Variants in SOS1 observed in about 807,000 individuals in gnomAD.
The protein encoded by SOS1 is SOS Ras/Rac guanine nucleotide exchange factor 1, also known as son of sevenless homolog 1.
Under a neutral mutation model 157.6 loss-of-function variants are expected in SOS1, and 25 were observed. The observed-to-expected ratio is 0.16, with a 90% CI of 0.12 to 0.22. The LOEUF is 0.22. SOS1 is among the 10% of genes least tolerant of loss of function. SOS1 has a pLI of 1.00. For synonymous variants in SOS1, 528 were observed against 534.0 expected (o/e 0.99, Z 0.16); for missense variants, 1,237 against 1,599.1 (o/e 0.77, Z 3.86).
rs1344477764 is a variant in SOS1 at position 38,988,739 on chromosome 2, TGTTA to T, written c.3391+527_3391+530del. 5.3e-5 allele frequency among the ~76,000 whole-genome samples: 8 copies of T among 152,226 alleles called. No homozygotes were observed. The South Asian group carries it at 1.0e-3, about 20-fold the overall frequency. On this transcript the variant is annotated intron_variant, in intron 21 of 22. Transcript: ENST00000402219. ...ATTAAAATAATGGAATTTAGTGACT[TGTTA>T]GTTTACCTTACAATTAAAATGGAAC...
chr2:38,989,330 A>G lies in SOS1; in HGVS notation c.3347-16T>C. On this transcript the variant is annotated splice_polypyrimidine_tract_variant and intron_variant, in intron 20 of 22. Transcript: ENST00000402219. The stretch of plus-strand genomic sequence containing the variant: ...GTATCATTGCCTGTGAAAGGAAACA[A>G]GAAAAAGTAGATTTTTTTCTTTCAT... 6.3e-7 allele frequency: 1 copy of G among 1,586,230 alleles called. No individual in the cohort carries two copies. Among genetic ancestry groups the G allele is most frequent in the Non-Finnish European group, 8.7e-7 (1 of 1,155,094 alleles).
chr2:38,997,165 T>G, intron 18 of SOS1, 88 bp downstream of exon 18: 1 of 1,174,606 alleles, frequency 8.5e-7, no homozygotes, highest in African/African-American at 1.5e-5. Context: ...TTTATTTTAC[T>G]TTTTCTCCCC....
chr2:39,022,743 T>C lies in SOS1; in HGVS notation c.1685A>G (p.Glu562Gly). 2.5e-6 allele frequency: 4 copies of C among 1,613,826 alleles called. No individual in the cohort carries two copies. The African/African-American group carries it at 4.0e-5, about 16-fold the overall frequency. Residue 562 changes from glutamate (E) to glycine (G), a missense_variant, in exon 10 of 23, where the codon GAG (glutamate) becomes GGG (glycine). By Grantham distance (98) the Glu-to-Gly change is moderately conservative (BLOSUM62 -2). Coordinates refer to ENST00000402219, the MANE Select transcript of SOS1 (RefSeq NM_005633.4). ...RMLDVTMLQE[E>G]KEEQMRLPSA... ...AGGCAGCCTCATCTGCTCCTCTTTC[T>C]CTTCCTGTAGCATTGTTACATCAAG... is the stretch of plus-strand genomic sequence containing the variant.
intron 1 of SOS1, among the ~76,000 whole-genome samples, chr2:39,116,253 C>T (rs990430184): frequency 6.6e-6 from 1 of 152,184 alleles, no homozygotes; most frequent in Non-Finnish European, 1.5e-5. Flanking sequence ...CTAAGAGCTT[C>T]TCCTACATTC....
At chr2:39,044,085 G>A (rs572310922) in intron 6 of SOS1, among the ~76,000 whole-genome samples, 6 of 152,284 alleles carry the variant, frequency 3.9e-5, no homozygotes, top group South Asian at 2.1e-4. Context: ...GGCCTGGTAC[G>A]GTGGCTCACG....
upstream of SOS1, among the ~76,000 whole-genome samples, chr2:39,122,467 C>CACACAT (rs1673926810): frequency 6.6e-6 from 1 of 151,020 alleles, no homozygotes. Flanking sequence ...CACACACACA[C>CACACAT]ACACACATAC....
upstream of SOS1, among the ~76,000 whole-genome samples, chr2:39,123,367 T>C (rs912740660): frequency 1.3e-5 from 2 of 151,998 alleles, no homozygotes; most frequent in Non-Finnish European, 2.9e-5. Context: ...TTTTTTTTTT[T>C]TTCTTTTTCT....
intron 1 of SOS1, among the ~76,000 whole-genome samples, chr2:39,113,806 C>T (rs1211926599): frequency 1.3e-5 from 2 of 152,216 alleles, no homozygotes; most frequent in Non-Finnish European, 2.9e-5. Context: ...TTTTTGTCAT[C>T]TCCAAGCAAG....
At chr2:39,105,480 G>A (rs1490289094) in intron 1 of SOS1, among the ~76,000 whole-genome samples, 1 of 151,912 alleles carries the variant, frequency 6.6e-6, no homozygotes, top group African/African-American at 2.4e-5. Flanking sequence ...AACTCATATG[G>A]ACAGATTACA....
chr2:39,095,974 G>A (rs1672752863), intron 1 of SOS1, among the ~76,000 whole-genome samples: 1 of 152,204 alleles, frequency 6.6e-6, no homozygotes, highest in South Asian at 2.1e-4. Flanking sequence ...GAAGCTAGAT[G>A]TTTATGTGGA....
At chr2:39,097,239 T>C (rs771861766) in intron 1 of SOS1, among the ~76,000 whole-genome samples, 8 of 152,208 alleles carry the variant, frequency 5.3e-5, no homozygotes, top group Non-Finnish European at 1.0e-4. Flanking sequence ...TATATACAAA[T>C]ATATGCAAAT....
At chr2:39,090,139 C>CAA (rs10598316) in intron 1 of SOS1, among the ~76,000 whole-genome samples, 1 of 110,922 alleles carries the variant, frequency 9.0e-6, no homozygotes. Flanking sequence ...GACCCTGTCT[C>CAA]AAAAAAAAAA....
chr2:39,005,956 T>C (rs1669268881), intron 17 of SOS1, among the ~76,000 whole-genome samples: 1 of 152,088 alleles, frequency 6.6e-6, no homozygotes, highest in Non-Finnish European at 1.5e-5. Context: ...GAAAAGGTAC[T>C]TCCTTCCTCT....
intron 6 of SOS1, among the ~76,000 whole-genome samples, chr2:39,039,152 G>GCTA (rs942210968): frequency 6.6e-6 from 1 of 152,142 alleles, no homozygotes; most frequent in Non-Finnish European, 1.5e-5. Context: ...TAGACATAAT[G>GCTA]CTACTGCATG....
At chr2:39,120,226 G>C (rs1170696574) in intron 1 of SOS1, 110 bp downstream of exon 1, 10 of 988,932 alleles carry the variant, frequency 1.0e-5, no homozygotes, top group Non-Finnish European at 1.4e-5. Flanking sequence ...TGGAGACGCG[G>C]CGAGACCGGG....
At chr2:39,119,207 T>A (rs182567380) in intron 1 of SOS1, among the ~76,000 whole-genome samples, 1 of 152,224 alleles carries the variant, frequency 6.6e-6, no homozygotes, top group East Asian at 1.9e-4. Context: ...TTCTGTTTTT[T>A]AAAAAAAATT....
chr2:39,096,262 A>T (rs7584338), intron 1 of SOS1, among the ~76,000 whole-genome samples: 1,693 of 152,238 alleles, frequency 0.011, 23 homozygotes, highest in Non-Finnish European at 0.017. Flanking sequence ...CATTCCCTCT[A>T]AACTTTCTAA....
In SOS1 at chr2:39,005,903, A is replaced by T. The variant is rs1325361729; in HGVS notation, c.2791+509T>A. 2.0e-5 allele frequency among the ~76,000 whole-genome samples: 3 copies of T among 152,246 alleles called. No homozygotes were observed. The East Asian group carries it at 5.8e-4, about 29-fold the overall frequency. On this transcript the variant is annotated intron_variant, in intron 17 of 22. Transcript: ENST00000402219. ...AACGGAAAAAGATAGAGGAACCTAC[A>T]GAAAGGGAGATTCAGGTGGTAGATT...
At chr2:39,107,663 GAAA>G (rs11464462) in intron 1 of SOS1, among the ~76,000 whole-genome samples, 3 of 96,304 alleles carry the variant, frequency 3.1e-5, no homozygotes, top group African/African-American at 6.5e-5. Context: ...ACACTAAAAA[GAAA>G]AAAAAAAAAA....
Sources: gnomAD v4.1 joint callset for allele counts (sites outside exome capture counted in the v4.1 genomes callset) on GRCh38, gnomAD v4.1.1 for gene constraint, MANE v1.5 for transcripts, NCBI Gene and HGNC (gene_info 2026-07-23, HGNC 2026-07-21) for gene names.